The following FRMD4A variants were observed in gnomAD, a reference collection of about 807,000 sequenced individuals.
FRMD4A encodes FERM domain containing 4A, also known as FERM domain-containing protein 4A.
Under a neutral mutation model 129.1 loss-of-function variants are expected in FRMD4A, and 29 were observed. The ratio of observed to expected loss-of-function variants is 0.22; its 90% CI spans 0.17 to 0.31. The LOEUF is 0.31. Among genes scored for constraint, FRMD4A ranks in the 10% least tolerant of loss-of-function variants. The pLI is 1.00. For synonymous variants in FRMD4A, 634 were observed against 571.6 expected (o/e 1.11, Z -1.56); for missense variants, 1,272 against 1,375.8 (o/e 0.92, Z 1.19).
chr10:13,910,226 T>C (rs2094927330), intron 2 of FRMD4A, among the ~76,000 whole-genome samples: 1 of 152,238 alleles, frequency 6.6e-6, no homozygotes, highest in African/African-American at 2.4e-5. Flanking sequence ...CAAAGGACTT[T>C]GATGCTTCAA....
At chr10:13,832,611 T>G (rs1325688731) in intron 3 of FRMD4A, among the ~76,000 whole-genome samples, 3 of 152,112 alleles carry the variant, frequency 2.0e-5, no homozygotes, top group South Asian at 2.1e-4. Flanking sequence ...TGAAGTACAG[T>G]GGTACAATTA....
chr10:14,288,167 A>G (rs963822206), intron 2 of FRMD4A, among the ~76,000 whole-genome samples: 2 of 152,266 alleles, frequency 1.3e-5, no homozygotes, highest in Non-Finnish European at 2.9e-5. Flanking sequence ...TATGACTTGC[A>G]GAGTTTAATC....
In FRMD4A at chr10:14,138,442, G is replaced by T. The variant is rs192245573; in HGVS notation, c.45+191616C>A. On this transcript the variant is annotated intron_variant, in intron 2 of 24. Transcript: ENST00000357447. ...ACCTGCTTTACTAACTTCCTAACGC[G>T]TTGGGATAATAGACCAGTAGAAAAT... 3.3e-5 allele frequency among the ~76,000 whole-genome samples: 5 copies of T among 152,290 alleles called. No individual in the cohort carries two copies. In the South Asian group the frequency reaches 6.2e-4, roughly 19 times the overall value.
intron 2 of FRMD4A, among the ~76,000 whole-genome samples, chr10:14,029,345 G>T (rs568490377): frequency 5.9e-5 from 9 of 152,006 alleles, no homozygotes; most frequent in African/African-American, 2.2e-4. Context: ...TGGGCAGATC[G>T]TTCTTCTAGA....
At chr10:14,302,629 C>T (rs1218840087) in intron 2 of FRMD4A, among the ~76,000 whole-genome samples, 1 of 152,200 alleles carries the variant, frequency 6.6e-6, no homozygotes, top group African/African-American at 2.4e-5. Context: ...ATAGTAATTT[C>T]ACTAAAGATA....
At chr10:14,236,995 CAAAAAAAAAAA>C (rs71477244) in intron 2 of FRMD4A, among the ~76,000 whole-genome samples, 2,059 of 75,424 alleles carry the variant, frequency 0.027, 35 homozygotes, top group Middle Eastern at 0.068. Context: ...AACAGGTCAG[CAAAAAAAAAAA>C]AAAAAAAAAA....
intron 2 of FRMD4A, among the ~76,000 whole-genome samples, chr10:13,988,242 T>C (rs138794818): frequency 1.3e-5 from 2 of 152,238 alleles, no homozygotes; most frequent in Non-Finnish European, 2.9e-5. Flanking sequence ...ACAGAGTTTT[T>C]AAGGCCCAGG....
intron 3 of FRMD4A, among the ~76,000 whole-genome samples, chr10:13,840,030 T>G (rs1425912886): frequency 6.6e-6 from 1 of 152,216 alleles, no homozygotes; most frequent in Non-Finnish European, 1.5e-5. Flanking sequence ...TGGGTGGCTT[T>G]GCACACATTG....
chr10:14,312,911 T>C (rs138296095), intron 2 of FRMD4A, among the ~76,000 whole-genome samples: 33 of 152,158 alleles, frequency 2.2e-4, no homozygotes, highest in African/African-American at 7.7e-4. Flanking sequence ...ACTATTGGAA[T>C]TGACAAGGGA....
At chr10:13,758,557 A>G (rs2091948682) in intron 8 of FRMD4A, among the ~76,000 whole-genome samples, 1 of 152,234 alleles carries the variant, frequency 6.6e-6, no homozygotes, top group Non-Finnish European at 1.5e-5. Context: ...CGTGCCTGCA[A>G]GGGACTGGGG....
intron 3 of FRMD4A, among the ~76,000 whole-genome samples, chr10:13,845,545 T>G (rs2094032104): frequency 6.6e-6 from 1 of 152,298 alleles, no homozygotes; most frequent in Non-Finnish European, 1.5e-5. Flanking sequence ...GCCAAGGTAG[T>G]TAACATTCCC....
chr10:14,203,411 T>C (rs1265348315), intron 2 of FRMD4A, among the ~76,000 whole-genome samples: 1 of 152,158 alleles, frequency 6.6e-6, no homozygotes, highest in Non-Finnish European at 1.5e-5. Flanking sequence ...ATCACACTCA[T>C]GACAGGGCAC....
At chr10:14,197,986 T>C (rs2131934615) in intron 2 of FRMD4A, among the ~76,000 whole-genome samples, 1 of 152,146 alleles carries the variant, frequency 6.6e-6, no homozygotes, top group African/African-American at 2.4e-5. Context: ...GAGCTGGGAG[T>C]CCGCAGGACA....
intron 6 of FRMD4A, among the ~76,000 whole-genome samples, chr10:13,764,605 G>A (rs2092212953): frequency 2.0e-5 from 3 of 152,156 alleles, no homozygotes; most frequent in Non-Finnish European, 4.4e-5. Context: ...AGTCTTCTAA[G>A]TGCACAACAC....
intron 2 of FRMD4A, among the ~76,000 whole-genome samples, chr10:14,102,150 TC>T (rs1837338944): frequency 6.6e-6 from 1 of 152,244 alleles, no homozygotes; most frequent in East Asian, 1.9e-4. Context: ...GAAGATTCTT[TC>T]CTAAATGACG....
chr10:13,921,410 T>G (rs1224628181), intron 2 of FRMD4A, among the ~76,000 whole-genome samples: 1 of 152,030 alleles, frequency 6.6e-6, no homozygotes. Context: ...CACAGGCGTG[T>G]GCCACCATGC....
chr10:14,160,952 A>C (rs1840853085), intron 2 of FRMD4A, among the ~76,000 whole-genome samples: 1 of 151,990 alleles, frequency 6.6e-6, no homozygotes, highest in Non-Finnish European at 1.5e-5. Flanking sequence ...AAACTGCATG[A>C]AGATTTTTTT....
At chr10:14,160,909 G>T (rs1840850393) in intron 2 of FRMD4A, among the ~76,000 whole-genome samples, 1 of 152,108 alleles carries the variant, frequency 6.6e-6, no homozygotes, top group South Asian at 2.1e-4. Flanking sequence ...ACACACTGTT[G>T]GTAGGAACGT....
At chr10:14,096,857 G>A (rs1008470180) in intron 2 of FRMD4A, among the ~76,000 whole-genome samples, 5 of 152,052 alleles carry the variant, frequency 3.3e-5, no homozygotes, top group Non-Finnish European at 5.9e-5. Context: ...AAAGCAGGCC[G>A]GGTGCGGTGG....
Sources: gnomAD v4.1 joint callset for allele counts (sites outside exome capture counted in the v4.1 genomes callset) on GRCh38, gnomAD v4.1.1 for gene constraint, MANE v1.5 for transcripts, NCBI Gene and HGNC (gene_info 2026-07-23, HGNC 2026-07-21) for gene names.